Variants in FER observed in about 807,000 individuals in gnomAD.
The protein encoded by FER is FER tyrosine kinase.
FER carries 63 observed loss-of-function variants against 111.0 expected under a neutral mutation model. The observed-to-expected ratio is 0.57, with a 90% CI of 0.46 to 0.70. The LOEUF is 0.70. Ranked by LOEUF, FER falls within the 30% of genes least tolerant of loss-of-function variation. The probability of loss-of-function intolerance (pLI) is 0.00; values close to 1 mark genes in which losing one functional copy is unlikely to be tolerated. For synonymous variants in FER, 327 were observed against 313.9 expected, an observed-to-expected ratio of 1.04 and a Z score of -0.44; for missense variants, 914 against 954.0, an observed-to-expected ratio of 0.96 and a Z score of 0.55.
At chr5:109,060,872 C>T (rs944543289) in intron 16 of FER, among the ~76,000 whole-genome samples, 18 of 151,660 alleles carry the variant, frequency 1.2e-4, no homozygotes, top group Admixed American at 4.6e-4. Context: ...TGCTCATCAT[C>T]ATCATCAGTA....
intron 8 of FER, among the ~76,000 whole-genome samples, chr5:108,875,274 C>T (rs1201617636): frequency 6.6e-6 from 1 of 152,044 alleles, no homozygotes; most frequent in Non-Finnish European, 1.5e-5. Flanking sequence ...TGAAGCTGTG[C>T]ACTTCCCATC....
At position 108,970,157 on chromosome 5, in the gene FER, T is replaced by C. The variant is rs1186366779; in HGVS notation, c.1656+10810T>C. Among the ~76,000 whole-genome samples, 5 of 148,478 alleles carry C rather than the reference T, an allele frequency of 3.4e-5. 1 individual carries two copies. Among genetic ancestry groups the C allele is most frequent in the African/African-American group, 1.3e-4 (5 of 37,848 alleles). On this transcript the variant is annotated intron_variant, in intron 13 of 19. Coordinates refer to ENST00000281092, the MANE Select transcript of FER (RefSeq NM_005246.4). The stretch of plus-strand genomic sequence containing the variant: ...TAACTAAAACAAGTTTTCCAAACAC[T>C]GTTTTATGCTTCCTAAATGAGCTGC...
chr5:108,884,079 A>G (rs893600637), intron 9 of FER, among the ~76,000 whole-genome samples: 2 of 151,962 alleles, frequency 1.3e-5, no homozygotes, highest in Non-Finnish European at 2.9e-5. Flanking sequence ...ACTGCTTAAG[A>G]ATTTAAAATT....
At chr5:108,803,351 C>G (rs1756879047) in intron 3 of FER, among the ~76,000 whole-genome samples, 1 of 152,088 alleles carries the variant, frequency 6.6e-6, no homozygotes, top group Non-Finnish European at 1.5e-5. Flanking sequence ...TCCCACTTGT[C>G]AATTTTCATT....
chr5:109,033,704 G>A (rs548697223), intron 13 of FER, among the ~76,000 whole-genome samples: 5 of 151,990 alleles, frequency 3.3e-5, no homozygotes, highest in African/African-American at 7.2e-5. Context: ...CCAATTTAAC[G>A]GATTGGGAGT....
At chr5:108,890,635 A>C (rs551913398) in intron 9 of FER, among the ~76,000 whole-genome samples, 2 of 151,934 alleles carry the variant, frequency 1.3e-5, no homozygotes, top group South Asian at 4.2e-4. Flanking sequence ...GGCCTATCCT[A>C]CTCCTGTATA....
intron 13 of FER, among the ~76,000 whole-genome samples, chr5:108,998,379 A>T (rs1188967024): frequency 3.3e-5 from 5 of 151,864 alleles, no homozygotes; most frequent in Non-Finnish European, 5.9e-5. Context: ...GTCCCTCATG[A>T]CTTCCCTTGG....
chr5:109,067,525 G>T (rs976935512), intron 16 of FER, among the ~76,000 whole-genome samples: 1 of 151,294 alleles, frequency 6.6e-6, no homozygotes, highest in Admixed American at 6.6e-5. Context: ...ACACTGTTCT[G>T]CCCTCTTTAT....
intron 5 of FER, among the ~76,000 whole-genome samples, chr5:108,841,476 A>G (rs1580816678): frequency 6.6e-6 from 1 of 152,310 alleles, no homozygotes; most frequent in East Asian, 1.9e-4. Flanking sequence ...GAAATAAATA[A>G]TACTCTGAGA....
intron 16 of FER, among the ~76,000 whole-genome samples, chr5:109,088,386 A>T (rs1382090334): frequency 1.3e-5 from 2 of 152,068 alleles, no homozygotes; most frequent in African/African-American, 4.8e-5. Flanking sequence ...ATCATTTTTT[A>T]AAAAGATGGA....
At chr5:108,865,453 A>C (rs1043204702) in intron 5 of FER, among the ~76,000 whole-genome samples, 1 of 152,210 alleles carries the variant, frequency 6.6e-6, no homozygotes, top group Non-Finnish European at 1.5e-5. Context: ...GTAAAGACTT[A>C]AATGTTAGAC....
At chr5:109,129,659 A>G (rs1010866313) in intron 17 of FER, among the ~76,000 whole-genome samples, 1 of 152,078 alleles carries the variant, frequency 6.6e-6, no homozygotes, top group Non-Finnish European at 1.5e-5. Flanking sequence ...TGAGCAAAGA[A>G]CACGAACAGT....
chr5:108,972,837 T>G (rs1760846198), intron 13 of FER, among the ~76,000 whole-genome samples: 1 of 152,314 alleles, frequency 6.6e-6, no homozygotes, highest in African/African-American at 2.4e-5. Context: ...TGGCATCTCT[T>G]TGGAAATAAG....
At chr5:108,795,387 T>A (rs1004587448) in intron 2 of FER, among the ~76,000 whole-genome samples, 1 of 151,692 alleles carries the variant, frequency 6.6e-6, no homozygotes, top group Non-Finnish European at 1.5e-5. Context: ...TTCTCTTTTT[T>A]TGTTTTCTTT....
At chr5:109,075,214 C>G (rs572082299) in intron 16 of FER, among the ~76,000 whole-genome samples, 1 of 152,050 alleles carries the variant, frequency 6.6e-6, no homozygotes, top group South Asian at 2.1e-4. Flanking sequence ...CTAGTTAAGA[C>G]TTAGAAAAAA....
At chr5:108,935,262 A>G (rs1389793161) in intron 10 of FER, among the ~76,000 whole-genome samples, 1 of 152,084 alleles carries the variant, frequency 6.6e-6, no homozygotes, top group Admixed American at 6.6e-5. Flanking sequence ...CTGAATGAGA[A>G]TTGTTCCCTG....
intron 5 of FER, among the ~76,000 whole-genome samples, chr5:108,853,946 T>C (rs1473021705): frequency 2.6e-5 from 4 of 152,214 alleles, no homozygotes; most frequent in African/African-American, 9.6e-5. Context: ...TTCCAGGCTA[T>C]TGCAGTAGTT....
chr5:109,168,035 T>G (rs544941472), intron 17 of FER, among the ~76,000 whole-genome samples: 8 of 152,202 alleles, frequency 5.3e-5, no homozygotes, highest in African/African-American at 1.9e-4. Context: ...AGAGTGAACC[T>G]GTATGTTTTC....
intron 10 of FER, among the ~76,000 whole-genome samples, chr5:108,930,682 G>A (rs77761356): frequency 0.12 from 17,163 of 139,338 alleles, 1,118 homozygotes; most frequent in Middle Eastern, 0.18. Context: ...TGTGCCATCT[G>A]GGTTCACTGC....
Sources: allele counts gnomAD v4.1 joint callset (sites outside exome capture counted in the v4.1 genomes callset), GRCh38; gene constraint gnomAD v4.1.1; transcripts MANE v1.5; gene names NCBI Gene and HGNC (gene_info 2026-07-23, HGNC 2026-07-21).